ZCWPW2: variants seen among roughly 807,000 people sequenced by gnomAD.
ZCWPW2 encodes zinc finger CW-type and PWWP domain containing 2, also known as zinc finger CW-type PWWP domain protein 2.
In ZCWPW2, 45 loss-of-function variants were observed where a neutral mutation model predicts 46.6. The ratio of observed to expected loss-of-function variants is 0.96; its 90% confidence interval spans 0.76 to 1.24. The LOEUF is 1.24. Ranked by LOEUF, ZCWPW2 falls within the 50% of genes most tolerant of loss-of-function variation. The pLI is 0.00. For synonymous variants in ZCWPW2, 152 were observed against 137.1 expected (o/e 1.11, Z -0.76); for missense variants, 429 against 403.9 (o/e 1.06, Z -0.53).
intron 5 of ZCWPW2, among the ~76,000 whole-genome samples, chr3:28,487,373 C>G (rs1699639824): frequency 6.6e-6 from 1 of 152,024 alleles, no homozygotes; most frequent in African/African-American, 2.4e-5. Flanking sequence ...ATTGTTTTCT[C>G]AGCCATGTCG....
intron 4 of ZCWPW2, among the ~76,000 whole-genome samples, chr3:28,454,090 C>T (rs575759154): frequency 5.3e-5 from 8 of 151,882 alleles, no homozygotes; most frequent in South Asian, 4.2e-4. Flanking sequence ...GTGATCCGCC[C>T]GCCTCGGCCT....
At chr3:28,409,727 CAT>C (rs1275088674) in intron 2 of ZCWPW2, among the ~76,000 whole-genome samples, 1 of 151,964 alleles carries the variant, frequency 6.6e-6, no homozygotes, top group Non-Finnish European at 1.5e-5. Flanking sequence ...ATAAAAATAA[CAT>C]AAACTTGTCA....
At chr3:28,447,932 C>CA (rs1258067503) in intron 4 of ZCWPW2, 20 of 765,568 alleles carry the variant, frequency 2.6e-5, no homozygotes, top group Middle Eastern at 2.8e-4. Context: ...TTGTCCAAAA[C>CA]AAAAAAACAT....
rs1010286097 is a variant in ZCWPW2 at position 28,489,666 on chromosome 3, G to A, written c.611-2461G>A. Among the ~76,000 whole-genome samples the A allele has an allele frequency of 4.3e-4, 63 of 147,550 alleles. 1 individual carries two copies. The highest frequency in any genetic ancestry group is 1.2e-3 in the Admixed American group (18 of 14,792). On this transcript the variant is annotated intron_variant, in intron 5 of 9. Transcript: ENST00000383768. Reference sequence around the variant, plus strand: ...TTCTCTCTCTTTCACACACACACGCGCGCACACACACACACACACACACAC... The same window carrying A: ...TTCTCTCTCTTTCACACACACACGCACGCACACACACACACACACACACAC...
chr3:28,469,152 A>G (rs1194309287), intron 4 of ZCWPW2, among the ~76,000 whole-genome samples: 2 of 152,150 alleles, frequency 1.3e-5, no homozygotes, highest in Non-Finnish European at 2.9e-5. Flanking sequence ...CAGTGTTGTT[A>G]TCAGCTTAAA....
chr3:28,488,806 A>G (rs927943165), intron 5 of ZCWPW2, among the ~76,000 whole-genome samples: 1 of 152,150 alleles, frequency 6.6e-6, no homozygotes, highest in African/African-American at 2.4e-5. Flanking sequence ...TTATGATGAG[A>G]GTCCCTACAT....
intron 6 of ZCWPW2, among the ~76,000 whole-genome samples, chr3:28,500,957 G>A (rs1700126254): frequency 6.6e-6 from 1 of 152,018 alleles, no homozygotes. Context: ...TACTTTGTGG[G>A]CATCATTCAC....
At chr3:28,469,475 C>G (rs1221318431) in intron 4 of ZCWPW2, among the ~76,000 whole-genome samples, 1 of 151,930 alleles carries the variant, frequency 6.6e-6, no homozygotes, top group African/African-American at 2.4e-5. Context: ...TTACAAGAAA[C>G]ATACTTCACT....
intron 5 of ZCWPW2, among the ~76,000 whole-genome samples, chr3:28,483,664 C>T (rs1215899447): frequency 6.6e-6 from 1 of 152,086 alleles, no homozygotes; most frequent in Non-Finnish European, 1.5e-5. Flanking sequence ...TTTATTTTAT[C>T]AGAGTTTGGT....
At chr3:28,508,025 C>T (rs1389889404) in intron 6 of ZCWPW2, among the ~76,000 whole-genome samples, 2 of 152,076 alleles carry the variant, frequency 1.3e-5, no homozygotes, top group Non-Finnish European at 2.9e-5. Flanking sequence ...GTTCTACAGG[C>T]TGTACAAGAA....
At chr3:28,519,832 G>C (rs962536021) in intron 8 of ZCWPW2, among the ~76,000 whole-genome samples, 15 of 152,118 alleles carry the variant, frequency 9.9e-5, no homozygotes, top group African/African-American at 3.1e-4. Flanking sequence ...TGAAGCAAAG[G>C]CTTCACTAGG....
At chr3:28,471,439 A>T (rs1699037328) in intron 4 of ZCWPW2, among the ~76,000 whole-genome samples, 1 of 152,174 alleles carries the variant, frequency 6.6e-6, no homozygotes, top group African/African-American at 2.4e-5. Context: ...GGGATGCAGG[A>T]TTGGTTCAGC....
At chr3:28,488,542 T>A (rs948843122) in intron 5 of ZCWPW2, among the ~76,000 whole-genome samples, 36 of 152,160 alleles carry the variant, frequency 2.4e-4, no homozygotes, top group African/African-American at 8.2e-4. Context: ...TTTAAAAAAA[T>A]TATTGAAATA....
chr3:28,455,644 CTTGAG>C (rs1698393918), intron 4 of ZCWPW2, among the ~76,000 whole-genome samples: 3 of 151,532 alleles, frequency 2.0e-5, no homozygotes, highest in Non-Finnish European at 4.4e-5. Flanking sequence ...TTTATTTCAT[CTTGAG>C]TTAATTTTTG....
chr3:28,363,302 A>G (rs1193908588), intron 1 of ZCWPW2, among the ~76,000 whole-genome samples: 1 of 152,224 alleles, frequency 6.6e-6, no homozygotes. Context: ...ACAACCAAGT[A>G]GAAAAATGGT....
chr3:28,399,398 C>T (rs1454171927), intron 2 of ZCWPW2, among the ~76,000 whole-genome samples: 2 of 152,092 alleles, frequency 1.3e-5, no homozygotes, highest in African/African-American at 4.8e-5. Context: ...TTCTAGGGCC[C>T]CACCCACCAC....
At chr3:28,356,362 T>C (rs1704731039) in intron 1 of ZCWPW2, among the ~76,000 whole-genome samples, 1 of 152,180 alleles carries the variant, frequency 6.6e-6, no homozygotes, top group South Asian at 2.1e-4. Context: ...CAGCAGGTGC[T>C]GGAGAGGATG....
intron 1 of ZCWPW2, among the ~76,000 whole-genome samples, chr3:28,373,257 A>G (rs1705397559): frequency 6.6e-6 from 1 of 152,148 alleles, no homozygotes; most frequent in Non-Finnish European, 1.5e-5. Flanking sequence ...AGCTATACTA[A>G]TTCACATTTC....
At chr3:28,485,138 G>GTTTTTTTTT (rs563714823) in intron 5 of ZCWPW2, among the ~76,000 whole-genome samples, 1 of 143,406 alleles carries the variant, frequency 7.0e-6, no homozygotes, top group Non-Finnish European at 1.5e-5. Flanking sequence ...TTTTTCTTGA[G>GTTTTTTTTT]TTTTTTTTTT....
Sources: gnomAD v4.1 joint callset for allele counts (sites outside exome capture counted in the v4.1 genomes callset) on GRCh38, gnomAD v4.1.1 for gene constraint, MANE v1.5 for transcripts, NCBI Gene and HGNC (gene_info 2026-07-23, HGNC 2026-07-21) for gene names.